The following CAMTA1 variants were observed in gnomAD, a reference collection of about 807,000 sequenced individuals.
The protein encoded by CAMTA1 is calmodulin binding transcription activator 1.
Under a neutral mutation model 170.9 loss-of-function variants are expected in CAMTA1, and 27 were observed. The ratio of observed to expected loss-of-function variants is 0.16; its 90% CI spans 0.12 to 0.22. The LOEUF is 0.22. CAMTA1 is among the 10% of genes least tolerant of loss of function. The pLI is 1.00. For synonymous variants in CAMTA1, 833 were observed against 891.5 expected (o/e 0.93, Z 1.17); for missense variants, 1,619 against 2,217.2 (o/e 0.73, Z 5.42).
intron 5 of CAMTA1, among the ~76,000 whole-genome samples, chr1:7,459,035 A>G (rs2093023516): frequency 6.6e-6 from 1 of 152,230 alleles, no homozygotes; most frequent in East Asian, 1.9e-4. Context: ...CAGTCTTGGG[A>G]GCAGCTCCAG....
intron 11 of CAMTA1, among the ~76,000 whole-genome samples, chr1:7,686,057 C>T (rs1284517756): frequency 6.6e-6 from 1 of 152,164 alleles, no homozygotes; most frequent in Admixed American, 6.5e-5. Flanking sequence ...CAATTGTGCA[C>T]GTCCTAACCA....
At chr1:7,700,663 A>C (rs1451130444) in intron 11 of CAMTA1, 1 of 152,114 alleles carries the variant, frequency 6.6e-6, no homozygotes, top group African/African-American at 2.4e-5. Flanking sequence ...GGGCCGGGGG[A>C]AAGAATGTGT....
At chr1:7,627,024 C>G (rs1166063503) in intron 6 of CAMTA1, among the ~76,000 whole-genome samples, 1 of 152,136 alleles carries the variant, frequency 6.6e-6, no homozygotes, top group African/African-American at 2.4e-5. Flanking sequence ...TGGATGAGGA[C>G]TAGAAGTGAT....
chr1:7,230,432 ACC>A lies in CAMTA1; in HGVS notation c.303-19048_303-19047del, dbSNP rs66934266. On this transcript the variant is annotated intron_variant, in intron 4 of 22. Transcript: ENST00000303635. ...TTGGCTGGGCTGCTGCTCTGGGCTG[ACC>A]CCCCCCCCCCGCCCCGCAAAGCTCT... is the stretch of plus-strand genomic sequence containing the variant. 9.2e-4 allele frequency among the ~76,000 whole-genome samples: 35 copies of A among 38,248 alleles called. 2 individuals carry two copies. The highest frequency in any genetic ancestry group is 4.1e-3 in the East Asian group (5 of 1,224). 25.1% of individuals were successfully genotyped at this position (38,248 alleles called of 152,430 possible). A position where few individuals can be genotyped will look rare whatever the true frequency, so the allele number is the denominator to read the frequency against.
chr1:7,730,908 A>ATC (rs34139853), intron 11 of CAMTA1, among the ~76,000 whole-genome samples: 16,160 of 143,716 alleles, frequency 0.11, 976 homozygotes, highest in Middle Eastern at 0.23. Flanking sequence ...CAAAGTCTCA[A>ATC]TCTCTCTCTC....
intron 4 of CAMTA1, among the ~76,000 whole-genome samples, chr1:7,245,250 A>G (rs990565391): frequency 2.0e-5 from 3 of 151,378 alleles, no homozygotes; most frequent in Admixed American, 1.3e-4. Flanking sequence ...ACATACACAC[A>G]CATACATACA....
In CAMTA1 at chr1:7,719,465, G is replaced by A. The variant is rs867774273; in HGVS notation, c.2915-12983G>A. On this transcript the variant is annotated intron_variant, in intron 11 of 22. Transcript: ENST00000303635. The stretch of plus-strand genomic sequence containing the variant: ...GAATATGGGGATAGTGTAAAACAAA[G>A]ATCAGGAAGAAGAAATATGGATGCA... 3.9e-5 allele frequency among the ~76,000 whole-genome samples: 6 copies of A among 152,224 alleles called. 1 individual carries two copies. In the South Asian group the frequency reaches 1.2e-3, roughly 31 times the overall value.
At chr1:7,005,185 C>A (rs773091664) in intron 3 of CAMTA1, among the ~76,000 whole-genome samples, 2 of 152,228 alleles carry the variant, frequency 1.3e-5, no homozygotes, top group Admixed American at 1.3e-4. Flanking sequence ...TTTGCCACAT[C>A]TACTTGATCT....
intron 5 of CAMTA1, among the ~76,000 whole-genome samples, chr1:7,358,358 G>A (rs929186887): frequency 2.6e-5 from 4 of 152,184 alleles, no homozygotes; most frequent in African/African-American, 4.8e-5. Flanking sequence ...TTTATTTTAC[G>A]AGAAGTCAGA....
chr1:6,793,741 A>G (rs1641779638), intron 1 of CAMTA1, among the ~76,000 whole-genome samples: 1 of 152,154 alleles, frequency 6.6e-6, no homozygotes. Flanking sequence ...TTCTTTTTAC[A>G]AGTTTTGAAA....
chr1:7,498,750 G>GTA (rs2093890715), intron 6 of CAMTA1, among the ~76,000 whole-genome samples: 1 of 91,616 alleles, frequency 1.1e-5, no homozygotes, highest in Non-Finnish European at 2.1e-5. Flanking sequence ...GGATGAGTGT[G>GTA]CAGAGGATTG....
At chr1:7,753,143 T>G (rs1335014007) in intron 21 of CAMTA1, among the ~76,000 whole-genome samples, 5 of 152,234 alleles carry the variant, frequency 3.3e-5, no homozygotes, top group African/African-American at 1.2e-4. Flanking sequence ...ACATCTTCAA[T>G]TAGTAGGAAA....
intron 6 of CAMTA1, among the ~76,000 whole-genome samples, chr1:7,553,170 A>T (rs1224625427): frequency 6.6e-6 from 1 of 152,230 alleles, no homozygotes; most frequent in African/African-American, 2.4e-5. Flanking sequence ...TGCATGAATG[A>T]ATGAGTGAAT....
chr1:7,270,826 T>C (rs986629688), intron 5 of CAMTA1, among the ~76,000 whole-genome samples: 1 of 152,130 alleles, frequency 6.6e-6, no homozygotes, highest in African/African-American at 2.4e-5. Flanking sequence ...AAAACAATGG[T>C]AAATGTGTAA....
At chr1:7,154,898 C>A (rs1019771943) in intron 4 of CAMTA1, among the ~76,000 whole-genome samples, 3 of 152,202 alleles carry the variant, frequency 2.0e-5, no homozygotes, top group Admixed American at 1.3e-4. Context: ...CCCTGCAGAG[C>A]CCCTCCCCAC....
intron 5 of CAMTA1, among the ~76,000 whole-genome samples, chr1:7,383,349 T>C (rs1033843523): frequency 1.3e-5 from 2 of 152,206 alleles, no homozygotes; most frequent in Non-Finnish European, 2.9e-5. Context: ...TAATTATTCA[T>C]TTACTCCTTC....
Position 7,532,939 on chromosome 1 carries a change from G to A in CAMTA1, c.510+65038G>A, listed in dbSNP as rs1363665172. 6.6e-6 allele frequency among the ~76,000 whole-genome samples: 1 copy of A among 152,190 alleles called. No homozygotes were observed. The highest frequency in any genetic ancestry group is 2.4e-5 in the African/African-American group (1 of 41,454). On this transcript the variant is annotated intron_variant, in intron 6 of 22. Transcript: ENST00000303635. The surrounding 1 kb of genome is among the most constrained non-coding windows in gnomAD (Gnocchi z 4.2). ...ACCAGTGCAGGTGGCGGCTTTTTGG[G>A]AAGGGTGGGATTTCATCTGGAACAA...
In CAMTA1 at chr1:7,299,966, C is replaced by G. The variant is rs890887077; in HGVS notation, c.438+50340C>G. On this transcript the variant is annotated intron_variant, in intron 5 of 22. Coordinates refer to ENST00000303635, the MANE Select transcript of CAMTA1 (RefSeq NM_015215.4). The surrounding 1 kb of genome is among the most constrained non-coding windows in gnomAD (Gnocchi z 4.7). ...AAGTGTCATTGACTTCCTAGCAACC[C>G]TGACTGTGGTCTGATTCCTTTAAGA... Among the ~76,000 whole-genome samples the G allele has an allele frequency of 6.6e-6, 1 of 152,218 alleles. No individual in the cohort carries two copies. Among genetic ancestry groups the G allele is most frequent in the Non-Finnish European group, 1.5e-5 (1 of 68,036 alleles).
In CAMTA1 at chr1:7,671,515, C is replaced by T. The variant is rs1383726792; in HGVS notation, c.2779+478C>T. 6.6e-5 allele frequency among the ~76,000 whole-genome samples: 10 copies of T among 152,316 alleles called. No homozygotes were observed. In the East Asian group the frequency reaches 1.4e-3, roughly 21 times the overall value. On this transcript the variant is annotated intron_variant, in intron 10 of 22. Coordinates refer to ENST00000303635, the MANE Select transcript of CAMTA1 (RefSeq NM_015215.4). Reference sequence around the variant, plus strand: ...CAGCCCACACACAGGCTCCATCCTCCCGAGGGCCCTGGGCAGGGGGCAGAA... The same window carrying T: ...CAGCCCACACACAGGCTCCATCCTCTCGAGGGCCCTGGGCAGGGGGCAGAA...
Sources: gnomAD v4.1 joint callset for allele counts (sites outside exome capture counted in the v4.1 genomes callset) on GRCh38, gnomAD v4.1.1 for gene constraint, Gnocchi (gnomAD v3.1) non-coding constraint, MANE v1.5 for transcripts, NCBI Gene and HGNC (gene_info 2026-07-23, HGNC 2026-07-21) for gene names.